The following PBX1 variants were observed in gnomAD, a reference collection of about 807,000 sequenced individuals.
PBX1 encodes the protein PBX homeobox 1.
Under a neutral mutation model 53.4 loss-of-function variants are expected in PBX1, and 6 were observed. The ratio of observed to expected loss-of-function variants is 0.11; its 90% CI spans 0.06 to 0.22. The LOEUF is 0.22. PBX1 is among the 10% of genes least tolerant of loss of function. The pLI is 1.00. For synonymous variants in PBX1, 204 were observed against 212.3 expected (o/e 0.96, Z 0.34); for missense variants, 251 against 551.4 (o/e 0.46, Z 5.46).
chr1:164,869,126 A>G (rs1023913276), intron 2 of PBX1, among the ~76,000 whole-genome samples: 4 of 152,236 alleles, frequency 2.6e-5, no homozygotes, highest in African/African-American at 9.6e-5. Flanking sequence ...AGGACTTTCC[A>G]TGCAGTTGCT....
chr1:164,860,079 C>T (rs185886923), intron 2 of PBX1, among the ~76,000 whole-genome samples: 1 of 152,222 alleles, frequency 6.6e-6, no homozygotes, highest in African/African-American at 2.4e-5. Flanking sequence ...AATGTTATGA[C>T]CCAATTACTT....
chr1:164,757,469 AG>A (rs1485366401), intron 2 of PBX1, among the ~76,000 whole-genome samples: 2 of 152,210 alleles, frequency 1.3e-5, no homozygotes, highest in Non-Finnish European at 2.9e-5. Context: ...GGGAAGATCA[AG>A]GGGTTCCTTA....
intron 2 of PBX1, among the ~76,000 whole-genome samples, chr1:164,663,699 A>C (rs1306635748): frequency 6.6e-6 from 1 of 152,220 alleles, no homozygotes; most frequent in Non-Finnish European, 1.5e-5. Context: ...TCTTGGTATG[A>C]TATCCTATCC....
intron 2 of PBX1, among the ~76,000 whole-genome samples, chr1:164,739,699 CT>C (rs1665496307): frequency 6.6e-6 from 1 of 151,728 alleles, no homozygotes; most frequent in Admixed American, 6.6e-5. Flanking sequence ...AGTGCCGTCT[CT>C]TTTTCTGGGA....
intron 2 of PBX1, among the ~76,000 whole-genome samples, chr1:164,603,928 CATTT>C (rs1656365701): frequency 1.0e-4 from 5 of 48,732 alleles, no homozygotes; most frequent in African/African-American, 2.7e-4. Context: ...TATGTCATTT[CATTT>C]TTTTTTTTTT....
chr1:164,660,538 A>G (rs1660425806), intron 2 of PBX1, among the ~76,000 whole-genome samples: 1 of 151,976 alleles, frequency 6.6e-6, no homozygotes. Flanking sequence ...GCTCCTTGTC[A>G]CCCTATCAGC....
chr1:164,781,640 G>C (rs1277583742), intron 2 of PBX1, among the ~76,000 whole-genome samples: 1 of 152,008 alleles, frequency 6.6e-6, no homozygotes, highest in African/African-American at 2.4e-5. Context: ...TGTATTCTCA[G>C]TCTAAACTCC....
At chr1:164,868,127 C>T (rs1257675397) in intron 2 of PBX1, among the ~76,000 whole-genome samples, 2 of 152,192 alleles carry the variant, frequency 1.3e-5, no homozygotes, top group East Asian at 3.9e-4. Context: ...CGGCTCACTG[C>T]TAGCTTTAAA....
intron 2 of PBX1, among the ~76,000 whole-genome samples, chr1:164,692,841 GCA>G (rs1342897815): frequency 6.6e-6 from 1 of 152,202 alleles, no homozygotes; most frequent in African/African-American, 2.4e-5. Flanking sequence ...TAAATGGGCT[GCA>G]CAGTTTTACT....
Position 164,833,713 on chromosome 1 carries a change from C to CT in PBX1, c.1200+12091dup, listed in dbSNP as rs1005050972. The stretch of plus-strand genomic sequence containing the variant: ...GTATACAGTAGGTGCTCAATGAATG[C>CT]TTTTCAAAGTGAGCCTAGTTGAACC... On this transcript the variant is annotated intron_variant, in intron 8 of 8. Coordinates refer to ENST00000420696, the MANE Select transcript of PBX1 (RefSeq NM_002585.4). Among the ~76,000 whole-genome samples the CT allele has an allele frequency of 5.7e-4, 86 of 152,206 alleles. 1 individual carries two copies. Among genetic ancestry groups the CT allele is most frequent in the Non-Finnish European group, 1.0e-4 (7 of 68,002 alleles).
At chr1:164,640,424 C>T (rs1277831733) in intron 2 of PBX1, among the ~76,000 whole-genome samples, 2 of 152,134 alleles carry the variant, frequency 1.3e-5, no homozygotes, top group African/African-American at 4.8e-5. Flanking sequence ...ATCTGGACTA[C>T]TGCATAAGTG....
intron 2 of PBX1, among the ~76,000 whole-genome samples, chr1:164,685,696 A>G (rs1383853135): frequency 2.0e-5 from 3 of 152,238 alleles, no homozygotes; most frequent in African/African-American, 7.2e-5. Flanking sequence ...TCAATTATTG[A>G]AACAGAGGGT....
chr1:164,572,605 T>C (rs1402515435), intron 2 of PBX1, among the ~76,000 whole-genome samples: 2 of 152,162 alleles, frequency 1.3e-5, no homozygotes, highest in African/African-American at 2.4e-5. Context: ...AGAGGGAGCA[T>C]GGACTTTGAG....
intron 2 of PBX1, chr1:164,684,638 A>T (rs894955598): frequency 6.6e-6 from 1 of 152,210 alleles, no homozygotes; most frequent in Non-Finnish European, 1.5e-5. Context: ...AGATACATGA[A>T]GAAGTTACTT....
chr1:164,604,339 T>C (rs762890201), intron 2 of PBX1, among the ~76,000 whole-genome samples: 2 of 152,238 alleles, frequency 1.3e-5, no homozygotes, highest in Non-Finnish European at 2.9e-5. Flanking sequence ...GTTTGGTTGC[T>C]TGCCTTTGTA....
At chr1:164,877,643 T>C (rs1447667734) in intron 2 of PBX1, among the ~76,000 whole-genome samples, 3 of 152,062 alleles carry the variant, frequency 2.0e-5, no homozygotes, top group East Asian at 1.9e-4. Flanking sequence ...AACTTGGGCA[T>C]TGGAATGAGA....
rs1671710267 is a variant in PBX1 at position 164,849,202 on chromosome 1, A to G, written c.*2526A>G. 10 of 1,443,492 alleles carry G rather than the reference A, an allele frequency of 6.9e-6. No individual in the cohort carries two copies. The highest frequency in any genetic ancestry group is 9.1e-6 in the Non-Finnish European group (10 of 1,096,582). The allele number at this position is 1,443,492 out of a possible 1,614,324, so 89.4% of individuals were successfully genotyped here. On this transcript the variant is annotated 3_prime_UTR_variant, in exon 9 of 9. Coordinates refer to ENST00000420696, the MANE Select transcript of PBX1 (RefSeq NM_002585.4). ...TCCAGATGTGGCCTGAATAATTGCC[A>G]TGTTAAGTTAATGCAAAAGATCAGA...
chr1:164,675,367 G>A (rs142951364), intron 2 of PBX1, among the ~76,000 whole-genome samples: 1 of 151,870 alleles, frequency 6.6e-6, no homozygotes, highest in Non-Finnish European at 1.5e-5. Flanking sequence ...AGTAATTGCG[G>A]TTTTTGCCTT....
intron 2 of PBX1, among the ~76,000 whole-genome samples, chr1:164,573,901 C>T (rs536107633): frequency 1.3e-5 from 2 of 152,264 alleles, no homozygotes; most frequent in Admixed American, 6.5e-5. Context: ...GGCATAACTC[C>T]GTTTTGTTCC....
Sources: gnomAD v4.1 joint callset for allele counts (sites outside exome capture counted in the v4.1 genomes callset) on GRCh38, gnomAD v4.1.1 for gene constraint, MANE v1.5 for transcripts, NCBI Gene and HGNC (gene_info 2026-07-23, HGNC 2026-07-21) for gene names.